The following THOC7 variants were observed in gnomAD, a reference collection of about 807,000 sequenced individuals.
THOC7 encodes the protein THO complex subunit 7, also known as NIF3L1-binding protein 1.
In THOC7, 22 loss-of-function variants were observed where a neutral mutation model predicts 33.1. The observed-to-expected ratio is 0.66, with a 90% CI of 0.47 to 0.95. The LOEUF (loss-of-function observed/expected upper bound fraction) is 0.95, where lower values mean the gene tolerates loss of function less well. THOC7 is among the 40% of genes least tolerant of loss of function. The pLI, the probability that THOC7 is intolerant of heterozygous loss-of-function variation, is 0.00. For missense variants in THOC7, 184 were observed against 245.3 expected (o/e 0.75, Z 1.67); for synonymous variants, 77 against 76.8 (o/e 1.00, Z -0.01).
chr3:63,861,738 T>G (rs551238270), intron 1 of THOC7: 1 of 152,074 alleles, frequency 6.6e-6, no homozygotes, highest in African/African-American at 2.4e-5. Context: ...GCTCCTCATT[T>G]TCTCTTCCTC....
chr3:63,859,374 T>C (rs1277297295), intron 1 of THOC7, among the ~76,000 whole-genome samples: 3 of 152,220 alleles, frequency 2.0e-5, no homozygotes, highest in Admixed American at 1.3e-4. Context: ...TTTACCTCCT[T>C]TTGCATCGTA....
chr3:63,856,742 A>G (rs1210155712), intron 1 of THOC7, among the ~76,000 whole-genome samples: 2 of 151,540 alleles, frequency 1.3e-5, no homozygotes, highest in East Asian at 3.9e-4. Context: ...TTTTTTAGAC[A>G]GAGTCTTGCA....
intron 1 of THOC7, among the ~76,000 whole-genome samples, chr3:63,852,040 C>T (rs1235219052): frequency 1.3e-5 from 2 of 152,202 alleles, no homozygotes; most frequent in Non-Finnish European, 1.5e-5. Flanking sequence ...CATTCTGGCA[C>T]AGTGCTCCTC....
chr3:63,863,645 C>A, intron 1 of THOC7, 127 bp downstream of exon 1: 1 of 1,213,720 alleles, frequency 8.2e-7, no homozygotes, highest in South Asian at 3.7e-5. Context: ...TCGGGAAGGC[C>A]GAAGCGCTCT....
chr3:63,859,210 T>C (rs1157123266), intron 1 of THOC7, among the ~76,000 whole-genome samples: 2 of 152,238 alleles, frequency 1.3e-5, no homozygotes, highest in Non-Finnish European at 2.9e-5. Flanking sequence ...ATTCTTGCCT[T>C]CCTAGAATCC....
chr3:63,843,783 C>G (rs763558326), intron 1 of THOC7, among the ~76,000 whole-genome samples: 7 of 152,026 alleles, frequency 4.6e-5, no homozygotes, highest in Non-Finnish European at 1.0e-4. Flanking sequence ...TGCCTGTAGT[C>G]CCAGCTACTC....
chr3:63,838,428 AC>A lies in THOC7; in HGVS notation c.208del (p.Val70TyrfsTer4). ...CATTTCTCTGAGATTCATATCATAT[AC>A]TAGTAAAGTTTTGCCCATTGAAAAT... ...CEFSMGKTLL[V>X]YDMNLREMEN... is the part of the protein sequence containing the mutation. On this transcript the variant is annotated frameshift_variant, in exon 3 of 8. Coordinates refer to ENST00000295899, the MANE Select transcript of THOC7 (RefSeq NM_025075.4). LOFTEE classifies it high-confidence loss of function. 6.2e-7 allele frequency: 1 copy of A among 1,604,112 alleles called. No homozygotes were observed. The highest frequency in any genetic ancestry group is 2.2e-5 in the East Asian group (1 of 44,628).
rs2107111872 is a variant in THOC7 at position 63,833,982 on chromosome 3, A to T, written c.*150T>A. The T allele has an allele frequency of 1.5e-6, 1 of 683,290 alleles. No individual in the cohort carries two copies. The highest frequency in any genetic ancestry group is 2.4e-5 in the South Asian group (1 of 42,078). 42.3% of individuals were successfully genotyped at this position (683,290 alleles called of 1,614,324 possible). On this transcript the variant is annotated 3_prime_UTR_variant, in exon 8 of 8. Transcript: ENST00000295899. ...TATACTGAAGTCATTTTCCTTTGTGAGAGGAAATATGAATGAAATACATTC... is the reference window on the plus strand; with the variant it reads ...TATACTGAAGTCATTTTCCTTTGTGTGAGGAAATATGAATGAAATACATTC...
chr3:63,843,360 C>T (rs562308376), intron 1 of THOC7, among the ~76,000 whole-genome samples: 20 of 152,044 alleles, frequency 1.3e-4, no homozygotes, highest in East Asian at 3.9e-4. Context: ...TCAAATGATC[C>T]GCCTACCTCG....
intron 1 of THOC7, among the ~76,000 whole-genome samples, chr3:63,855,631 T>G (rs1291909545): frequency 1.3e-5 from 2 of 152,190 alleles, no homozygotes; most frequent in African/African-American, 4.8e-5. Flanking sequence ...TCCCTATATT[T>G]GCCATTAAAA....
At chr3:63,835,781 T>C (rs1464761579) in intron 5 of THOC7, among the ~76,000 whole-genome samples, 1 of 152,110 alleles carries the variant, frequency 6.6e-6, no homozygotes, top group African/African-American at 2.4e-5. Flanking sequence ...TGGGCCTTTT[T>C]ATCTCCTCTA....
intron 1 of THOC7, among the ~76,000 whole-genome samples, chr3:63,845,651 T>C (rs1293023480): frequency 6.6e-6 from 1 of 152,162 alleles, no homozygotes; most frequent in Admixed American, 6.5e-5. Context: ...GCCTCAGGCA[T>C]CTGACTGGGT....
At chr3:63,854,157 T>G (rs1353007451) in intron 1 of THOC7, among the ~76,000 whole-genome samples, 1 of 152,132 alleles carries the variant, frequency 6.6e-6, no homozygotes, top group East Asian at 1.9e-4. Context: ...CAAGAATTAT[T>G]GAAATAACAT....
intron 1 of THOC7, chr3:63,860,842 A>G (rs934749971): frequency 6.6e-6 from 1 of 152,230 alleles, no homozygotes; most frequent in African/African-American, 2.4e-5. Flanking sequence ...GGGTGACAGC[A>G]GCAATATGCA....
Position 63,836,306 on chromosome 3 carries a change from T to C in THOC7, c.405A>G (p.Thr135=). Residue 135 remains threonine (T), a synonymous_variant, in exon 5 of 8, where the codon ACA becomes ACG. Coordinates refer to ENST00000295899, the MANE Select transcript of THOC7 (RefSeq NM_025075.4). ...AAGTAAAGCTCTACACTTACTTTAA[T>C]GTCTCATGCCTGTCTGGATGGTGCT... ...VIQHHPDRHE[T]LKELEALGKE... 6.2e-7 allele frequency: 1 copy of C among 1,612,494 alleles called. No homozygotes were observed. Among genetic ancestry groups the C allele is most frequent in the Non-Finnish European group, 8.5e-7 (1 of 1,179,016 alleles).
At chr3:63,849,864 C>T (rs553428713) in intron 1 of THOC7, among the ~76,000 whole-genome samples, 15 of 152,238 alleles carry the variant, frequency 9.9e-5, no homozygotes, top group East Asian at 5.8e-4. Flanking sequence ...ATAACAAAAA[C>T]GGCTGTTTCT....
intron 1 of THOC7, among the ~76,000 whole-genome samples, chr3:63,857,105 G>A (rs902881112): frequency 2.6e-5 from 4 of 152,172 alleles, no homozygotes; most frequent in African/African-American, 9.6e-5. Context: ...AATAGAAATG[G>A]AACTCAAACT....
At chr3:63,839,556 T>G (rs1484881984) in intron 2 of THOC7, 100 bp downstream of exon 2, 1 of 996,826 alleles carries the variant, frequency 1.0e-6, no homozygotes, top group Non-Finnish European at 1.6e-6. Context: ...CCACTGTACA[T>G]TTAAGGTGAG....
In THOC7 at chr3:63,837,959, T is replaced by C; in HGVS notation, c.352+17A>G. The C allele has an allele frequency of 4.4e-6, 7 of 1,600,346 alleles. No homozygotes were observed. Among genetic ancestry groups the C allele is most frequent in the Non-Finnish European group, 4.3e-6 (5 of 1,175,152 alleles). ...AGTAATAATGTATTTGCACATTAAA[T>C]CCCTCAAAACCCTTACCTTGGCGAT... On this transcript the variant is annotated intron_variant, in intron 4 of 7. Coordinates refer to ENST00000295899, the MANE Select transcript of THOC7 (RefSeq NM_025075.4).
Sources: gnomAD v4.1 joint callset for allele counts (sites outside exome capture counted in the v4.1 genomes callset) on GRCh38, gnomAD v4.1.1 for gene constraint, MANE v1.5 for transcripts, NCBI Gene and HGNC (gene_info 2026-07-23, HGNC 2026-07-21) for gene names.